Variants in ACTR8 observed in about 807,000 individuals in gnomAD.
ACTR8 encodes the protein actin-related protein 8.
In ACTR8, 70 loss-of-function variants were observed where a neutral mutation model predicts 84.3. The ratio of observed to expected loss-of-function variants is 0.83; its 90% CI spans 0.68 to 1.01. The LOEUF (loss-of-function observed/expected upper bound fraction) is 1.01, where lower values mean the gene tolerates loss of function less well. Ranked by LOEUF, ACTR8 falls within the 50% of genes least tolerant of loss-of-function variation. The probability of loss-of-function intolerance (pLI) is 0.00; values close to 1 mark genes in which losing one functional copy is unlikely to be tolerated. For synonymous variants in ACTR8, 268 were observed against 275.2 expected (o/e 0.97, Z 0.26); for missense variants, 672 against 775.4 (o/e 0.87, Z 1.58).
Position 53,877,733 on chromosome 3 carries a change from G to A in ACTR8, c.424C>T (p.Gln142Ter). The A allele has an allele frequency of 5.0e-6, 8 of 1,614,020 alleles. No individual in the cohort carries two copies. Among genetic ancestry groups the A allele is most frequent in the Non-Finnish European group, 6.8e-6 (8 of 1,179,938 alleles). ...SPEQARSYNKQMRPAILDHCS... is the reference protein window; with the variant it reads ...SPEQARSYNK The stretch of plus-strand genomic sequence containing the variant: ...TGATCTAAAATTGCAGGTCGCATCT[G>A]CTTATTGTAGGAGCGTGCCTGAAAA... The change falls in exon 4 of 13, where the codon CAG becomes TAG. Residue 142 changes from glutamine (Q) to a stop codon, truncating the protein, a stop_gained. Transcript: ENST00000335754. LOFTEE classifies it high-confidence loss of function.
At chr3:53,872,919 C>A in intron 9 of ACTR8, 113 bp downstream of exon 9, 1 of 852,416 alleles carries the variant, frequency 1.2e-6, no homozygotes. Context: ...GGATAATCTA[C>A]AATCAGTTGA....
rs1699871993 is a variant in ACTR8 at position 53,870,769 on chromosome 3, T to C, written c.1567+463A>G. Reference sequence around the variant, plus strand: ...GCCACACAGGTCTTCACAGGCTTCTTCCTCTACCCCATCTGTGACTGCTAA... The same window carrying C: ...GCCACACAGGTCTTCACAGGCTTCTCCCTCTACCCCATCTGTGACTGCTAA... On this transcript the variant is annotated intron_variant, in intron 11 of 12. Coordinates refer to ENST00000335754, the MANE Select transcript of ACTR8 (RefSeq NM_022899.5). The surrounding 1 kb of genome is among the most constrained non-coding windows in gnomAD (Gnocchi z 4.1). Among the ~76,000 whole-genome samples, 1 of 152,178 alleles carries C rather than the reference T, an allele frequency of 6.6e-6. No individual in the cohort carries two copies. Among genetic ancestry groups the C allele is most frequent in the African/African-American group, 2.4e-5 (1 of 41,452 alleles).
At chr3:53,860,213 C>A in the ACTR8 span, 7 of 1,613,146 alleles carry the variant, frequency 4.3e-6, no homozygotes, top group Middle Eastern at 1.7e-4. Flanking sequence ...AGGGATCTAT[C>A]TAATGTGGAG....
the ACTR8 span, chr3:53,861,091 G>A: frequency 6.6e-6 from 1 of 152,156 alleles, no homozygotes; most frequent in Admixed American, 6.5e-5. Flanking sequence ...AACACCCTGT[G>A]ATGCTAACCA....
intron 7 of ACTR8, among the ~76,000 whole-genome samples, chr3:53,874,743 C>A (rs961988540): frequency 6.6e-6 from 1 of 150,704 alleles, no homozygotes; most frequent in Non-Finnish European, 1.5e-5. Context: ...AAAAGAAACA[C>A]AAAAAACAAA....
intron 7 of ACTR8, among the ~76,000 whole-genome samples, chr3:53,875,709 G>C (rs1334877668): frequency 6.6e-6 from 1 of 152,216 alleles, no homozygotes; most frequent in Admixed American, 6.5e-5. Context: ...AACATCCCAG[G>C]ACTTTCAGGG....
intron 11 of ACTR8, 183 bp downstream of exon 11, chr3:53,871,049 T>C (rs1699875857): frequency 2.4e-6 from 2 of 825,958 alleles, no homozygotes; most frequent in South Asian, 4.1e-5. Flanking sequence ...CCTCTTCCAC[T>C]AGGCTATAAA....
chr3:53,860,766 G>A, the ACTR8 span: 1 of 151,684 alleles, frequency 6.6e-6, no homozygotes, highest in Admixed American at 6.6e-5. Context: ...TTAAAATATT[G>A]AAAAAAATGA....
At chr3:53,864,939 G>A, downstream of ACTR8, 2 of 1,614,194 alleles carry the variant, frequency 1.2e-6, no homozygotes, top group South Asian at 1.1e-5. Flanking sequence ...GTCCAGTGCA[G>A]TGGCTTGCCA....
rs751062063 is a variant in ACTR8 at position 53,877,658 on chromosome 3, CTAAA to C, written c.495_498del (p.Tyr165Ter). Reference sequence around the variant, plus strand: ...AAGAAGTTTCTTACCTCTTCTCCTACTAAATACTCAGGGTGATGAGATGTGTTTG... The same window carrying C: ...AAGAAGTTTCTTACCTCTTCTCCTACTACTCAGGGTGATGAGATGTGTTTG... On this transcript the variant is annotated frameshift_variant, in exon 4 of 13. Transcript: ENST00000335754. LOFTEE classifies it high-confidence loss of function. 3.1e-6 allele frequency: 5 copies of C among 1,613,338 alleles called. No individual in the cohort carries two copies. In the South Asian group the frequency reaches 5.5e-5, roughly 18 times the overall value.
At chr3:53,876,892 G>GTT (rs11419180) in intron 5 of ACTR8, among the ~76,000 whole-genome samples, 179 bp from the exon 6 acceptor site, 7 of 149,818 alleles carry the variant, frequency 4.7e-5, no homozygotes, top group South Asian at 4.2e-4. Context: ...ATGCTCAAGT[G>GTT]TTTTTTTTTC....
intron 8 of ACTR8, 21 bp from the exon 9 acceptor site, chr3:53,873,148 T>C (rs756776884): frequency 6.3e-7 from 1 of 1,576,548 alleles, no homozygotes; most frequent in South Asian, 1.1e-5. Context: ...GAAAAGATGC[T>C]GTCAGTGAAT....
chr3:53,871,035 T>C (rs1699875551), intron 11 of ACTR8, 197 bp downstream of exon 11: 1 of 655,840 alleles, frequency 1.5e-6, no homozygotes, highest in Non-Finnish European at 2.5e-6. Flanking sequence ...CTGACTTATT[T>C]TGGCCTCTTC....
Position 53,878,398 on chromosome 3 carries a change from T to TATG in ACTR8, c.363_364insCAT (p.Lys121_Met122insHis). The TATG allele has an allele frequency of 6.2e-7, 1 of 1,613,668 alleles. No individual in the cohort carries two copies. Among genetic ancestry groups the TATG allele is most frequent in the Admixed American group, 1.7e-5 (1 of 59,900 alleles). On this transcript the variant is annotated inframe_insertion, in exon 3 of 13. Transcript: ENST00000335754. The stretch of plus-strand genomic sequence containing the variant: ...GGAATGCGTCTTGTACCATTGGACA[T>TATG]CTTTTTAGACCATATTGCTTGATCC...
At position 53,870,232 on chromosome 3, in the gene ACTR8, T is replaced by C. The variant is rs572914767; in HGVS notation, c.1568-87A>G. 2.1e-6 allele frequency: 3 copies of C among 1,451,018 alleles called. No individual in the cohort carries two copies. The highest frequency in any genetic ancestry group is 2.6e-5 in the South Asian group (2 of 76,918). The allele number at this position is 1,451,018 out of a possible 1,614,324, so 89.9% of individuals were successfully genotyped here. On this transcript the variant is annotated intron_variant, in intron 11 of 12. Transcript: ENST00000335754. This position sits in a 1 kb window ranked among gnomAD's most constrained non-coding sequence, Gnocchi z 4.1. ...CACCAACACCTCTTGCTTGAGCAAGTGCAATAGCCTTCTCAAAGATTTCCC... is the reference window on the plus strand; with the variant it reads ...CACCAACACCTCTTGCTTGAGCAAGCGCAATAGCCTTCTCAAAGATTTCCC...
intron 2 of ACTR8, among the ~76,000 whole-genome samples, chr3:53,879,594 AAACTGT>A (rs1477778305): frequency 1.3e-5 from 2 of 152,224 alleles, no homozygotes; most frequent in Non-Finnish European, 2.9e-5. Context: ...TTATTGACTT[AAACTGT>A]AAGTATCTGA....
chr3:53,873,078 G>C lies in ACTR8; in HGVS notation c.1115C>G (p.Ser372Cys). ...DHEFQIRHPD[S>C]PALLYQFRLG... ...TCGAAACTGGTAAAGCAGGGCAGGA[G>C]AATCAGGATGTCGAATCTGAAACTC... The change falls in exon 9 of 13, where the codon TCT (serine) becomes TGT (cysteine). Residue 372 changes from serine (S) to cysteine (C), a missense_variant. Transcript: ENST00000335754. 6.2e-7 allele frequency: 1 copy of C among 1,612,046 alleles called. No individual in the cohort carries two copies. Among genetic ancestry groups the C allele is most frequent in the Non-Finnish European group, 8.5e-7 (1 of 1,178,868 alleles).
At chr3:53,866,769 C>T (rs879534839), downstream of ACTR8, among the ~76,000 whole-genome samples, 5 of 152,164 alleles carry the variant, frequency 3.3e-5, no homozygotes, top group Non-Finnish European at 7.3e-5. Flanking sequence ...GTGTGAGCCA[C>T]GGCGCCTGGC....
chr3:53,878,235 G>A, intron 3 of ACTR8, 122 bp downstream of exon 3: 1 of 799,974 alleles, frequency 1.3e-6, no homozygotes, highest in East Asian at 2.6e-5. Flanking sequence ...GTTATGAGGG[G>A]TTTTCTTCCT....
Sources: gnomAD v4.1 joint callset for allele counts (sites outside exome capture counted in the v4.1 genomes callset) on GRCh38, gnomAD v4.1.1 for gene constraint, Gnocchi (gnomAD v3.1) non-coding constraint, MANE v1.5 for transcripts, NCBI Gene and HGNC (gene_info 2026-07-23, HGNC 2026-07-21) for gene names.